KIAA1217: variants seen among roughly 807,000 people sequenced by gnomAD.
The protein encoded by KIAA1217 is sickle tail protein homolog.
A neutral mutation model predicts 163.9 loss-of-function variants in KIAA1217; 88 were observed. The ratio of observed to expected loss-of-function variants is 0.54; its 90% CI spans 0.45 to 0.64. The LOEUF (loss-of-function observed/expected upper bound fraction) is 0.64, where lower values mean the gene tolerates loss of function less well. Ranked by LOEUF, KIAA1217 falls within the 30% of genes least tolerant of loss-of-function variation. The pLI, the probability that KIAA1217 is intolerant of heterozygous loss-of-function variation, is 0.00. For synonymous variants in KIAA1217, 903 were observed against 923.1 expected, an observed-to-expected ratio of 0.98 and a Z score of 0.39; for missense variants, 2,372 against 2,475.0, an observed-to-expected ratio of 0.96 and a Z score of 0.88.
Position 24,056,482 on chromosome 10 carries a change from G to A in KIAA1217, c.-171+49108G>A, listed in dbSNP as rs146978914. Among the ~76,000 whole-genome samples, 1,429 of 151,932 alleles carry A rather than the reference G, an allele frequency of 9.4e-3. 11 individuals are homozygous for A. The highest frequency in any genetic ancestry group is 0.024 in the Middle Eastern group (7 of 294). ...TAAAAGAAAGGACTGTACTAAGAAC[G>A]TCTAACCTCAGGTCTAAAGTTATAT... On this transcript the variant is annotated intron_variant, in intron 2 of 18. Coordinates refer to the KIAA1217 transcript ENST00000376462.
intron 2 of KIAA1217, among the ~76,000 whole-genome samples, chr10:24,245,062 G>T (rs1018241968): frequency 2.0e-5 from 3 of 152,160 alleles, no homozygotes; most frequent in Non-Finnish European, 2.9e-5. Flanking sequence ...CATGAGGATG[G>T]TGAGTCCAAA....
intron 2 of KIAA1217, among the ~76,000 whole-genome samples, chr10:24,230,505 T>TTG (rs1192619185): frequency 3.1e-4 from 42 of 134,448 alleles, no homozygotes; most frequent in South Asian, 1.8e-3. Flanking sequence ...TTGTTTTGTT[T>TTG]TTTTTTTTTT....
At chr10:24,344,895 A>T (rs772459206) in intron 2 of KIAA1217, among the ~76,000 whole-genome samples, 2 of 152,208 alleles carry the variant, frequency 1.3e-5, no homozygotes, top group African/African-American at 2.4e-5. Flanking sequence ...AACTGTTCTT[A>T]TCTCAGAATC....
intron 1 of KIAA1217, among the ~76,000 whole-genome samples, chr10:23,942,439 T>C (rs1313883568): frequency 2.0e-5 from 3 of 152,164 alleles, no homozygotes; most frequent in Non-Finnish European, 4.4e-5. Flanking sequence ...CTTCACAGAT[T>C]GAAACAGAAA....
chr10:24,384,029 G>A (rs1167228138), intron 3 of KIAA1217, among the ~76,000 whole-genome samples: 3 of 152,136 alleles, frequency 2.0e-5, no homozygotes, highest in Non-Finnish European at 2.9e-5. Flanking sequence ...AGAGAGCCCC[G>A]GCCATGAGCA....
chr10:24,519,449 G>A (rs35708498), intron 10 of KIAA1217, among the ~76,000 whole-genome samples: 2,367 of 152,196 alleles, frequency 0.016, 32 homozygotes, highest in Non-Finnish European at 0.021. Context: ...CCTTGTTGAT[G>A]AGACAATCAG....
intron 2 of KIAA1217, among the ~76,000 whole-genome samples, chr10:24,243,009 A>G (rs1453743888): frequency 6.6e-6 from 1 of 151,950 alleles, no homozygotes. Flanking sequence ...CTTTGTGAAT[A>G]TTTTCTCCCA....
chr10:23,821,333 T>C (rs1261609924), intron 1 of KIAA1217, among the ~76,000 whole-genome samples: 2 of 152,084 alleles, frequency 1.3e-5, no homozygotes, highest in Non-Finnish European at 2.9e-5. Flanking sequence ...GATTTGGACA[T>C]GGTCACAGGA....
chr10:23,836,106 T>TTAG (rs1385910246), intron 1 of KIAA1217, among the ~76,000 whole-genome samples: 1 of 152,202 alleles, frequency 6.6e-6, no homozygotes, highest in African/African-American at 2.4e-5. Context: ...AAATGTTGCT[T>TTAG]TAGTAGTCTT....
At chr10:23,721,332 T>G (rs908745473) in intron 1 of KIAA1217, among the ~76,000 whole-genome samples, 5 of 152,196 alleles carry the variant, frequency 3.3e-5, no homozygotes, top group Admixed American at 1.3e-4. Context: ...AGTATTATTT[T>G]AATTTAGTGT....
chr10:24,529,314 G>A (rs540360660), intron 14 of KIAA1217, among the ~76,000 whole-genome samples: 9 of 152,114 alleles, frequency 5.9e-5, no homozygotes, highest in Admixed American at 4.6e-4. Context: ...TATACTTTAC[G>A]GGCCAGAACA....
At chr10:24,436,597 A>G (rs1197753672) in intron 4 of KIAA1217, among the ~76,000 whole-genome samples, 3 of 151,796 alleles carry the variant, frequency 2.0e-5, no homozygotes, top group South Asian at 4.2e-4. Flanking sequence ...TCTCTACGGA[A>G]AATACAAAAA....
At chr10:24,371,856 A>G (rs1371877254) in intron 2 of KIAA1217, among the ~76,000 whole-genome samples, 1 of 152,338 alleles carries the variant, frequency 6.6e-6, no homozygotes, top group South Asian at 2.1e-4. Context: ...TATCATGCCT[A>G]TTTAGTAATT....
chr10:24,186,160 G>A (rs1394054159), intron 2 of KIAA1217, among the ~76,000 whole-genome samples: 1 of 152,032 alleles, frequency 6.6e-6, no homozygotes, highest in Admixed American at 6.5e-5. Context: ...TGCTAAGTGG[G>A]TTCAGTCCTA....
chr10:24,495,290 C>A, intron 8 of KIAA1217, 94 bp downstream of exon 8: 1 of 991,414 alleles, frequency 1.0e-6, no homozygotes, highest in Non-Finnish European at 1.5e-6. Context: ...CCCTAAGTCA[C>A]GTATTTGGTA....
At chr10:23,816,150 G>A (rs1052116959) in intron 1 of KIAA1217, among the ~76,000 whole-genome samples, 22 of 152,172 alleles carry the variant, frequency 1.4e-4, no homozygotes, top group African/African-American at 4.8e-4. Flanking sequence ...AGCTGTAAAG[G>A]TCCCCTCTGC....
intron 2 of KIAA1217, among the ~76,000 whole-genome samples, chr10:24,026,742 A>ATTTTTTTTTTTTTT: frequency 4.3e-5 from 3 of 70,092 alleles, no homozygotes; most frequent in African/African-American, 5.9e-5. Flanking sequence ...TATTTCATTG[A>ATTTTTTTTTTTTTT]TTTTTTTTTT....
At chr10:23,697,745 T>C (rs1836139916) in intron 1 of KIAA1217, among the ~76,000 whole-genome samples, 3 of 151,568 alleles carry the variant, frequency 2.0e-5, no homozygotes, top group Admixed American at 2.0e-4. Flanking sequence ...GGCATGGTGA[T>C]GTGCACCTGT....
intron 2 of KIAA1217, among the ~76,000 whole-genome samples, chr10:24,119,886 C>G (rs986137301): frequency 6.6e-6 from 1 of 152,190 alleles, no homozygotes; most frequent in African/African-American, 2.4e-5. Context: ...CATCCCAGGT[C>G]CCCTAAGTCA....
Sources: gnomAD v4.1 joint callset for allele counts (sites outside exome capture counted in the v4.1 genomes callset) on GRCh38, gnomAD v4.1.1 for gene constraint, MANE v1.5 for transcripts, NCBI Gene and HGNC (gene_info 2026-07-23, HGNC 2026-07-21) for gene names.